Variants in ZBTB16 observed in about 807,000 individuals in gnomAD.
The protein encoded by ZBTB16 is zinc finger and BTB domain-containing protein 16.
ZBTB16 carries 8 observed loss-of-function variants against 56.8 expected under a neutral mutation model. The observed-to-expected ratio is 0.14, with a 90% confidence interval of 0.08 to 0.25. ZBTB16 has a LOEUF of 0.25. ZBTB16 is among the 10% of genes least tolerant of loss of function. The pLI, the probability that ZBTB16 is intolerant of heterozygous loss-of-function variation, is 1.00. For missense variants in ZBTB16, 625 were observed against 903.0 expected (o/e 0.69, Z 3.95); for synonymous variants, 363 against 368.5 (o/e 0.98, Z 0.17).
At chr11:114,104,753 A>G (rs1444041663) in intron 2 of ZBTB16, among the ~76,000 whole-genome samples, 1 of 152,194 alleles carries the variant, frequency 6.6e-6, no homozygotes. Flanking sequence ...CATGTTTTCC[A>G]TGTTCCACTG....
Position 114,083,493 on chromosome 11 carries a change from T to C in ZBTB16, c.1268+18925T>C, listed in dbSNP as rs118050126. On this transcript the variant is annotated intron_variant, in intron 2 of 6. Transcript: ENST00000335953. ...GGGGGCCGTGGTAGAACATATATTG[T>C]ACTTCAGCTGCCTTTCCCCTCCAAG... 2.2e-3 allele frequency among the ~76,000 whole-genome samples: 337 copies of C among 152,252 alleles called. 11 individuals carry two copies. In the East Asian group the frequency reaches 0.056, roughly 25 times the overall value.
intron 3 of ZBTB16, among the ~76,000 whole-genome samples, chr11:114,179,935 T>C (rs527450273): frequency 1.3e-5 from 2 of 152,132 alleles, no homozygotes; most frequent in Non-Finnish European, 2.9e-5. Flanking sequence ...ATTTCAGCTT[T>C]ATTGTCATTG....
Position 114,254,061 on chromosome 11 carries a change from T to G in ZBTB16, c.*3506T>G, listed in dbSNP as rs1041224792. On this transcript the variant is annotated 3_prime_UTR_variant, in exon 7 of 7. Coordinates refer to ENST00000335953, the MANE Select transcript of ZBTB16 (RefSeq NM_006006.6). Reference sequence around the variant, plus strand: ...TTCCCATGTCCAGCTCCTACAAATATGTCCCTTAATGCATTTGGTGACATT... The same window carrying G: ...TTCCCATGTCCAGCTCCTACAAATAGGTCCCTTAATGCATTTGGTGACATT... Among the ~76,000 whole-genome samples, 1 of 144,208 alleles carries G rather than the reference T, an allele frequency of 6.9e-6. No homozygotes were observed. Among genetic ancestry groups the G allele is most frequent in the Non-Finnish European group, 1.5e-5 (1 of 66,508 alleles). The allele number at this position is 144,208 out of a possible 152,430, so 94.6% of individuals were successfully genotyped here. A position where few individuals can be genotyped will look rare whatever the true frequency, so the allele number is the denominator to read the frequency against.
At chr11:114,147,176 T>C (rs957804364) in intron 2 of ZBTB16, among the ~76,000 whole-genome samples, 1 of 152,186 alleles carries the variant, frequency 6.6e-6, no homozygotes, top group Non-Finnish European at 1.5e-5. Flanking sequence ...ATGGTTTAAT[T>C]CCAGAGGAAC....
At chr11:114,196,929 C>A (rs75308483) in intron 4 of ZBTB16, among the ~76,000 whole-genome samples, 1 of 152,242 alleles carries the variant, frequency 6.6e-6, no homozygotes, top group East Asian at 1.9e-4. Context: ...TGGGGCAGGA[C>A]TTGAATGTGT....
chr11:114,124,191 T>G (rs1941424400), intron 2 of ZBTB16, among the ~76,000 whole-genome samples: 1 of 152,114 alleles, frequency 6.6e-6, no homozygotes, highest in South Asian at 2.1e-4. Flanking sequence ...TGCGAGGCCC[T>G]CATTGCGGGG....
chr11:114,235,769 G>T (rs12361207), intron 4 of ZBTB16, among the ~76,000 whole-genome samples: 59 of 76,528 alleles, frequency 7.7e-4, no homozygotes, highest in South Asian at 1.6e-3. Flanking sequence ...TCCTTCCTTC[G>T]TTCCTTCCTT....
At chr11:114,226,962 T>C (rs1023189239) in intron 4 of ZBTB16, among the ~76,000 whole-genome samples, 10 of 152,124 alleles carry the variant, frequency 6.6e-5, no homozygotes, top group African/African-American at 2.4e-4. Flanking sequence ...TAAAATCCCT[T>C]GCGTGCAGCC....
intron 2 of ZBTB16, among the ~76,000 whole-genome samples, chr11:114,124,184 G>A (rs915845702): frequency 2.0e-5 from 3 of 152,126 alleles, no homozygotes; most frequent in East Asian, 1.9e-4. Flanking sequence ...AGTGTGATGC[G>A]AGGCCCTCAT....
rs777073873 is a variant in ZBTB16 at position 114,156,321 on chromosome 11, T to C, written c.1269-16T>C. The C allele has an allele frequency of 6.2e-6, 10 of 1,613,896 alleles. No homozygotes were observed. The highest frequency in any genetic ancestry group is 7.6e-6 in the Non-Finnish European group (9 of 1,179,880). On this transcript the variant is annotated splice_polypyrimidine_tract_variant and intron_variant, in intron 2 of 6. Transcript: ENST00000335953. ...AGCCAGAGCAGCAGCAACCTCTCTT[T>C]TCCTTTCCCTTACAGGAAGCTGCAC...
intron 2 of ZBTB16, among the ~76,000 whole-genome samples, chr11:114,133,072 T>C (rs1488844961): frequency 2.6e-5 from 4 of 152,224 alleles, no homozygotes; most frequent in Non-Finnish European, 4.4e-5. Context: ...CTTTTTATAG[T>C]GCAGCTACTC....
intron 2 of ZBTB16, among the ~76,000 whole-genome samples, chr11:114,148,425 CTCTCTCTCTCTT>C (rs1942183709): frequency 5.9e-5 from 1 of 16,976 alleles, no homozygotes; most frequent in African/African-American, 2.7e-4. Context: ...CCCTCCCTCC[CTCTCTCTCTCTT>C]TCTCTCTCTC....
At chr11:114,106,384 A>C (rs569958047) in intron 2 of ZBTB16, among the ~76,000 whole-genome samples, 1 of 152,328 alleles carries the variant, frequency 6.6e-6, no homozygotes, top group East Asian at 1.9e-4. Flanking sequence ...TTAAAAAGAA[A>C]ATAAAACCCC....
intron 4 of ZBTB16, among the ~76,000 whole-genome samples, chr11:114,200,402 G>GAT (rs1277830132): frequency 6.6e-6 from 1 of 152,186 alleles, no homozygotes; most frequent in Admixed American, 6.5e-5. Flanking sequence ...GGAGGGGAAG[G>GAT]ATAGAGTCTG....
chr11:114,129,560 GTC>G (rs1337029047), intron 2 of ZBTB16, among the ~76,000 whole-genome samples: 1 of 152,166 alleles, frequency 6.6e-6, no homozygotes, highest in Non-Finnish European at 1.5e-5. Flanking sequence ...ATTCTGTCTG[GTC>G]TCTCTTGCCC....
At chr11:114,235,693 T>TTCTTTCTTTCTTTCTA (rs1944565306) in intron 4 of ZBTB16, among the ~76,000 whole-genome samples, 1 of 114,304 alleles carries the variant, frequency 8.7e-6, no homozygotes, top group African/African-American at 3.2e-5. Context: ...TTTCTTTCTT[T>TTCTTTCTTTCTTTCTA]TCTTTCTTTC....
At chr11:114,189,431 C>T (rs59006112) in intron 4 of ZBTB16, 18 of 152,078 alleles carry the variant, frequency 1.2e-4, no homozygotes, top group African/African-American at 4.1e-4. Context: ...CAGATAGTTA[C>T]AAGTGTTATC....
intron 2 of ZBTB16, among the ~76,000 whole-genome samples, chr11:114,070,988 C>T (rs111244182): frequency 0.012 from 1,872 of 152,306 alleles, 35 homozygotes; most frequent in East Asian, 0.045. Context: ...AGACCTAGCT[C>T]TGCGTTTTTC....
At chr11:114,201,245 G>C (rs749543352) in intron 4 of ZBTB16, among the ~76,000 whole-genome samples, 8 of 152,178 alleles carry the variant, frequency 5.3e-5, no homozygotes, top group African/African-American at 2.4e-5. Flanking sequence ...GGAGGTGGGA[G>C]GAGGGGGAGG....
Sources: allele counts gnomAD v4.1 joint callset (sites outside exome capture counted in the v4.1 genomes callset), GRCh38; gene constraint gnomAD v4.1.1; transcripts MANE v1.5; gene names NCBI Gene and HGNC (gene_info 2026-07-23, HGNC 2026-07-21).